DPYD: variants seen among roughly 807,000 people sequenced by gnomAD.
DPYD encodes dihydropyrimidine dehydrogenase, also known as dihydropyrimidine dehydrogenase [NADP(+)].
Under a neutral mutation model 116.2 loss-of-function variants are expected in DPYD, and 109 were observed. That is an observed-to-expected ratio of 0.94 (90% CI 0.80 to 1.10). The LOEUF (loss-of-function observed/expected upper bound fraction) is 1.10, where lower values mean the gene tolerates loss of function less well. Among genes scored for constraint, DPYD ranks in the 50% least tolerant of loss-of-function variants. The pLI is 0.00. For synonymous variants in DPYD, 440 were observed against 432.0 expected (o/e 1.02, Z -0.23); for missense variants, 1,302 against 1,254.5 (o/e 1.04, Z -0.57).
intron 19 of DPYD, 63 bp from the exon 20 acceptor site, chr1:97,193,311 C>T: frequency 2.0e-6 from 3 of 1,517,666 alleles, no homozygotes; most frequent in Middle Eastern, 2.0e-4. Flanking sequence ...AACAAATTCA[C>T]TTTTCTTTGA....
At chr1:97,428,451 A>G (rs1674996162) in intron 14 of DPYD, among the ~76,000 whole-genome samples, 1 of 152,122 alleles carries the variant, frequency 6.6e-6, no homozygotes, top group African/African-American at 2.4e-5. Flanking sequence ...TACTTATGTA[A>G]ATGAATACAA....
At chr1:97,630,015 C>T (rs1293849430) in intron 8 of DPYD, among the ~76,000 whole-genome samples, 3 of 151,872 alleles carry the variant, frequency 2.0e-5, no homozygotes, top group Non-Finnish European at 4.4e-5. Flanking sequence ...TCTGGATAAT[C>T]ATCTAAGTTG....
intron 7 of DPYD, among the ~76,000 whole-genome samples, chr1:97,690,351 A>G (rs1225731849): frequency 6.6e-6 from 1 of 152,022 alleles, no homozygotes; most frequent in African/African-American, 2.4e-5. Context: ...AATTTATGCA[A>G]TATATCTGGT....
At chr1:97,539,510 C>T (rs1650270455) in intron 12 of DPYD, among the ~76,000 whole-genome samples, 1 of 152,090 alleles carries the variant, frequency 6.6e-6, no homozygotes, top group South Asian at 2.1e-4. Context: ...ATTTCTACCA[C>T]AACTGCTTTT....
At chr1:97,844,500 A>T (rs1470456275) in intron 2 of DPYD, among the ~76,000 whole-genome samples, 1 of 152,166 alleles carries the variant, frequency 6.6e-6, no homozygotes, top group African/African-American at 2.4e-5. Context: ...ACATAATGTA[A>T]CCCTTATAAA....
chr1:97,254,231 T>C (rs1045773925), intron 18 of DPYD, among the ~76,000 whole-genome samples: 3 of 152,178 alleles, frequency 2.0e-5, no homozygotes, highest in Non-Finnish European at 4.4e-5. Flanking sequence ...AGTTGATATT[T>C]GTATGTACCT....
intron 16 of DPYD, among the ~76,000 whole-genome samples, chr1:97,336,751 AAAAC>A (rs1280958566): frequency 1.3e-5 from 2 of 152,222 alleles, no homozygotes; most frequent in Non-Finnish European, 2.9e-5. Flanking sequence ...ACTCCATCTC[AAAAC>A]AAACAAACAA....
intron 8 of DPYD, among the ~76,000 whole-genome samples, chr1:97,611,396 C>A (rs762835816): frequency 1.3e-5 from 2 of 151,934 alleles, no homozygotes; most frequent in Admixed American, 6.6e-5. Flanking sequence ...CAGAGAATTT[C>A]ATTTGGGTGA....
At chr1:97,824,729 G>A (rs1669145392) in intron 3 of DPYD, among the ~76,000 whole-genome samples, 1 of 152,292 alleles carries the variant, frequency 6.6e-6, no homozygotes, top group East Asian at 1.9e-4. Flanking sequence ...TACTCTGTTA[G>A]AGAAGGTTAT....
chr1:97,187,986 A>C (rs1029260357), intron 20 of DPYD, among the ~76,000 whole-genome samples: 1 of 152,068 alleles, frequency 6.6e-6, no homozygotes, highest in African/African-American at 2.4e-5. Flanking sequence ...CTAATTGTAT[A>C]ATTTGAGGTC....
intron 1 of DPYD, among the ~76,000 whole-genome samples, chr1:97,901,011 T>G (rs1238510056): frequency 6.6e-6 from 1 of 151,766 alleles, no homozygotes; most frequent in South Asian, 2.1e-4. Context: ...TCGAAAAAAA[T>G]TATATTAAAA....
intron 14 of DPYD, among the ~76,000 whole-genome samples, chr1:97,409,961 C>A (rs1673884705): frequency 6.6e-6 from 1 of 151,730 alleles, no homozygotes; most frequent in Admixed American, 6.6e-5. Flanking sequence ...ACCTGTAATC[C>A]CAGCTAAGGC....
intron 12 of DPYD, 29 bp downstream of exon 12, chr1:97,549,531 A>G (rs1423842132): frequency 1.2e-6 from 2 of 1,611,450 alleles, no homozygotes; most frequent in Admixed American, 1.7e-5. Context: ...TTGGAAAAGA[A>G]TTAAGTGGAA....
intron 6 of DPYD, among the ~76,000 whole-genome samples, chr1:97,693,311 AAAAAAAC>A: frequency 7.9e-6 from 1 of 126,210 alleles, no homozygotes; most frequent in East Asian, 2.0e-4. Context: ...AAAAAAAAAA[AAAAAAAC>A]CAAAAAAGAA....
At chr1:97,365,261 C>A (rs549371544) in intron 16 of DPYD, among the ~76,000 whole-genome samples, 24 of 152,198 alleles carry the variant, frequency 1.6e-4, no homozygotes, top group Middle Eastern at 3.2e-3. Flanking sequence ...AGTCAGATCA[C>A]GTAACTAGAC....
chr1:97,158,469 C>CAGACACACA (rs1450882944), intron 20 of DPYD, among the ~76,000 whole-genome samples: 19 of 51,010 alleles, frequency 3.7e-4, no homozygotes, highest in Admixed American at 2.8e-3. Context: ...AGATAACTCA[C>CAGACACACA]CAGACACACA....
At chr1:97,756,304 C>G (rs1357287027) in intron 3 of DPYD, among the ~76,000 whole-genome samples, 1 of 152,124 alleles carries the variant, frequency 6.6e-6, no homozygotes, top group East Asian at 1.9e-4. Context: ...CGATGAGTTA[C>G]ATTACACAAT....
chr1:97,758,277 T>A (rs554010003), intron 3 of DPYD, among the ~76,000 whole-genome samples: 38 of 151,946 alleles, frequency 2.5e-4, no homozygotes, highest in African/African-American at 9.2e-4. Context: ...GATTAGGTGG[T>A]CTTTAAAGTG....
chr1:97,241,687 T>C (rs1002430030), intron 18 of DPYD, among the ~76,000 whole-genome samples: 3 of 151,886 alleles, frequency 2.0e-5, no homozygotes, highest in African/African-American at 4.8e-5. Context: ...ATTTGCTTTA[T>C]ACAATTGTAG....
Sources: allele counts gnomAD v4.1 joint callset (sites outside exome capture counted in the v4.1 genomes callset), GRCh38; gene constraint gnomAD v4.1.1; transcripts MANE v1.5; gene names NCBI Gene and HGNC (gene_info 2026-07-23, HGNC 2026-07-21).